PARN: variants seen among roughly 807,000 people sequenced by gnomAD.
PARN encodes poly(A)-specific ribonuclease.
Under a neutral mutation model 102.8 loss-of-function variants are expected in PARN, and 71 were observed. The observed-to-expected ratio is 0.69, with a 90% CI of 0.57 to 0.84. The LOEUF (loss-of-function observed/expected upper bound fraction) is 0.84. Among genes scored for constraint, PARN ranks in the 40% least tolerant of loss-of-function variants. PARN has a pLI of 0.00. For missense variants in PARN, 782 were observed against 760.9 expected, an observed-to-expected ratio of 1.03 and a Z score of -0.33; for synonymous variants, 261 against 252.9, an observed-to-expected ratio of 1.03 and a Z score of -0.30.
At chr16:14,557,856 A>G (rs1322781571) in intron 18 of PARN, among the ~76,000 whole-genome samples, 1 of 152,232 alleles carries the variant, frequency 6.6e-6, no homozygotes, top group African/African-American at 2.4e-5. Flanking sequence ...TAAAGCACCT[A>G]GCATGGTGGG....
At chr16:14,547,779 G>A (rs1296209467) in intron 21 of PARN, among the ~76,000 whole-genome samples, 3 of 152,022 alleles carry the variant, frequency 2.0e-5, no homozygotes, top group African/African-American at 7.2e-5. Context: ...AAAAAAAAGT[G>A]TCAGTTAAAA....
In PARN at chr16:14,596,581, T is replaced by A. The variant is rs113541597; in HGVS notation, c.841-3203A>T. On this transcript the variant is annotated intron_variant, in intron 12 of 23. Transcript: ENST00000437198. Reference sequence around the variant, plus strand: ...GAAGACCCCTTCTCCACAAAAAAAATATATATATAAAATTATCCACGTGTG... The same window carrying A: ...GAAGACCCCTTCTCCACAAAAAAAAAATATATATAAAATTATCCACGTGTG... Among the ~76,000 whole-genome samples the A allele has an allele frequency of 6.1e-3, 929 of 151,270 alleles. 5 individuals carry two copies. The highest frequency in any genetic ancestry group is 0.02 in the African/African-American group (805 of 41,190).
At chr16:14,503,164 G>C (rs1283944600) in intron 21 of PARN, among the ~76,000 whole-genome samples, 1 of 152,054 alleles carries the variant, frequency 6.6e-6, no homozygotes, top group Non-Finnish European at 1.5e-5. Flanking sequence ...CTAGCTGAAT[G>C]GATTCTCCTT....
At chr16:14,439,876 G>A (rs1295708968) in intron 23 of PARN, among the ~76,000 whole-genome samples, 3 of 152,156 alleles carry the variant, frequency 2.0e-5, no homozygotes, top group African/African-American at 7.2e-5. Flanking sequence ...TTAGCTGGGC[G>A]TGGTGGCAGG....
intron 5 of PARN, among the ~76,000 whole-genome samples, chr16:14,621,122 T>C (rs1034573090): frequency 6.6e-6 from 1 of 152,200 alleles, no homozygotes; most frequent in African/African-American, 2.4e-5. Flanking sequence ...AATCTTTCCC[T>C]ACCCCCACTT....
At chr16:14,445,350 G>A (rs1321040325) in intron 23 of PARN, among the ~76,000 whole-genome samples, 2 of 152,094 alleles carry the variant, frequency 1.3e-5, no homozygotes, top group African/African-American at 4.8e-5. Flanking sequence ...CAGTCAGATC[G>A]GGCCACATGC....
chr16:14,509,039 T>C (rs1965053221), intron 21 of PARN, among the ~76,000 whole-genome samples: 1 of 152,012 alleles, frequency 6.6e-6, no homozygotes, highest in Non-Finnish European at 1.5e-5. Context: ...ATAAAATTAT[T>C]CTGAAATAAT....
In PARN at chr16:14,617,668, G is replaced by C; in HGVS notation, c.328-18C>G. The C allele has an allele frequency of 1.3e-6, 2 of 1,516,400 alleles. No individual in the cohort carries two copies. Among genetic ancestry groups the C allele is most frequent in the South Asian group, 1.1e-5 (1 of 89,054 alleles). The allele number at this position is 1,516,400 out of a possible 1,614,324, so 93.9% of individuals were successfully genotyped here. On this transcript the variant is annotated intron_variant, in intron 5 of 23. Transcript: ENST00000437198. ...CTGGAGCTCTGAAACAGAGTAAACA[G>C]AACACATGTTTTGGGGATGTTAGCG...
intron 21 of PARN, among the ~76,000 whole-genome samples, chr16:14,492,032 G>T (rs1964085157): frequency 6.6e-6 from 1 of 152,264 alleles, no homozygotes; most frequent in Non-Finnish European, 1.5e-5. Context: ...GTCACTGATA[G>T]CAGAGGCTAA....
chr16:14,458,415 A>G (rs1283961847), intron 22 of PARN, among the ~76,000 whole-genome samples: 1 of 152,198 alleles, frequency 6.6e-6, no homozygotes, highest in Non-Finnish European at 1.5e-5. Context: ...AAAATAAACT[A>G]CTTTTTAAAA....
At chr16:14,577,760 T>C (rs1167944914) in intron 18 of PARN, among the ~76,000 whole-genome samples, 1 of 151,798 alleles carries the variant, frequency 6.6e-6, no homozygotes, top group African/African-American at 2.4e-5. Flanking sequence ...CTCTGCCTCC[T>C]GGGTTCAAGC....
intron 21 of PARN, among the ~76,000 whole-genome samples, chr16:14,534,595 T>A (rs951445689): frequency 6.6e-6 from 1 of 152,142 alleles, no homozygotes; most frequent in African/African-American, 2.4e-5. Flanking sequence ...CTCTAAATTA[T>A]TACATAATAT....
chr16:14,453,958 A>G (rs1961573126), intron 22 of PARN, among the ~76,000 whole-genome samples: 1 of 152,236 alleles, frequency 6.6e-6, no homozygotes, highest in African/African-American at 2.4e-5. Flanking sequence ...TCTGGGTGAT[A>G]TATAAAAATA....
rs897921096 is a variant in PARN, at chr16:14,577,791, C to A, written c.1262+3083G>T. 1.1e-4 allele frequency among the ~76,000 whole-genome samples: 16 copies of A among 152,226 alleles called. No homozygotes were observed. The South Asian group carries it at 1.7e-3, about 16-fold the overall frequency. On this transcript the variant is annotated intron_variant, in intron 18 of 23. Coordinates refer to ENST00000437198, the MANE Select transcript of PARN (RefSeq NM_002582.4). ...CAAGCAATTCTCCTGCCTCAGCCCC[C>A]CCAGTAGCTGGGATTACAGGCACCC...
At position 14,571,834 on chromosome 16, in the gene PARN, A is replaced by G. The variant is rs773677307; in HGVS notation, c.1262+9040T>C. 2.6e-5 allele frequency among the ~76,000 whole-genome samples: 4 copies of G among 152,228 alleles called. No homozygotes were observed. The East Asian group carries it at 7.7e-4, about 29-fold the overall frequency. On this transcript the variant is annotated intron_variant, in intron 18 of 23. Transcript: ENST00000437198. Reference sequence around the variant, plus strand: ...ACAGGGAGGGTGAGTAACTTGCCCAAGATCACACAGGTAATAAGGAGCAGA... The same window carrying G: ...ACAGGGAGGGTGAGTAACTTGCCCAGGATCACACAGGTAATAAGGAGCAGA...
intron 10 of PARN, among the ~76,000 whole-genome samples, 179 bp downstream of exon 10, chr16:14,606,305 G>C (rs575519074): frequency 2.0e-5 from 3 of 151,998 alleles, no homozygotes; most frequent in Non-Finnish European, 4.4e-5. Context: ...GGCTGATGTA[G>C]GAGGATCACC....
chr16:14,598,129 C>T (rs1410724537), intron 12 of PARN, among the ~76,000 whole-genome samples: 17 of 151,580 alleles, frequency 1.1e-4, no homozygotes, highest in Admixed American at 7.9e-4. Context: ...GACAACAGAG[C>T]GAGACTCCGG....
intron 17 of PARN, among the ~76,000 whole-genome samples, 192 bp from the exon 18 acceptor site, chr16:14,581,135 T>C (rs1245572366): frequency 1.3e-5 from 2 of 152,034 alleles, no homozygotes; most frequent in Non-Finnish European, 2.9e-5. Context: ...TCACTGAAAC[T>C]TCCACCTCCC....
intron 13 of PARN, among the ~76,000 whole-genome samples, chr16:14,590,249 A>C (rs1970103669): frequency 6.7e-6 from 1 of 150,100 alleles, no homozygotes; most frequent in Non-Finnish European, 1.5e-5. Flanking sequence ...AAAAAAAAAA[A>C]AAAAAAAAGG....
Sources: gnomAD v4.1 joint callset for allele counts (sites outside exome capture counted in the v4.1 genomes callset) on GRCh38, gnomAD v4.1.1 for gene constraint, MANE v1.5 for transcripts, NCBI Gene and HGNC (gene_info 2026-07-23, HGNC 2026-07-21) for gene names.